The following PTPRD variants were observed in gnomAD, a reference collection of about 807,000 sequenced individuals.
The protein encoded by PTPRD is receptor-type tyrosine-protein phosphatase delta.
PTPRD carries 34 observed loss-of-function variants against 214.5 expected under a neutral mutation model. The observed-to-expected ratio is 0.16, with a 90% CI of 0.12 to 0.21. PTPRD has a LOEUF of 0.21. Ranked by LOEUF, PTPRD falls within the 10% of genes least tolerant of loss-of-function variation. The probability of loss-of-function intolerance (pLI) is 1.00; values close to 1 mark genes in which losing one functional copy is unlikely to be tolerated. For synonymous variants in PTPRD, 1,128 were observed against 845.7 expected, an observed-to-expected ratio of 1.33 and a Z score of -5.79; for missense variants, 2,545 against 2,398.7, an observed-to-expected ratio of 1.06 and a Z score of -1.27.
At chr9:10,612,656 G>A (rs568656293) in intron 1 of PTPRD, 32 bp downstream of exon 1, 1 of 152,380 alleles carries the variant, frequency 6.6e-6, no homozygotes, top group African/African-American at 2.4e-5. Context: ...AAGCCGGCTT[G>A]GGTCCTGCTA....
At chr9:8,914,476 A>G (rs948043732) in intron 11 of PTPRD, among the ~76,000 whole-genome samples, 2 of 152,112 alleles carry the variant, frequency 1.3e-5, no homozygotes, top group African/African-American at 4.8e-5. Flanking sequence ...CTGCACTATG[A>G]TTGTTTATTT....
chr9:10,581,678 C>A (rs768225831), intron 2 of PTPRD, among the ~76,000 whole-genome samples: 1 of 152,126 alleles, frequency 6.6e-6, no homozygotes, highest in South Asian at 2.1e-4. Context: ...TAAGACAACT[C>A]GCTTGCTGTG....
At chr9:8,638,042 T>C (rs1016205277) in intron 12 of PTPRD, among the ~76,000 whole-genome samples, 4 of 151,924 alleles carry the variant, frequency 2.6e-5, no homozygotes, top group Admixed American at 2.6e-4. Context: ...CTTCCTTGAG[T>C]TTTTACAATT....
At chr9:9,091,039 G>A (rs998249765) in intron 10 of PTPRD, 18 of 1,546,928 alleles carry the variant, frequency 1.2e-5, no homozygotes, top group South Asian at 4.4e-5. Context: ...AGTGGAGGCC[G>A]CAGCAGTCAG....
rs537882160 is a variant in PTPRD, at chr9:9,346,407, A to T, written c.-203+51042T>A. ...AAAAATTAACTGAGAGAAATGTGTT[A>T]AAAATGTACAAAGTTATTACCATAA... On this transcript the variant is annotated intron_variant, in intron 9 of 45. Transcript: ENST00000381196. Among the ~76,000 whole-genome samples the T allele has an allele frequency of 4.0e-3, 603 of 152,306 alleles. 4 individuals carry two copies. The highest frequency in any genetic ancestry group is 4.4e-3 in the Non-Finnish European group (302 of 68,030).
At chr9:9,896,153 C>T (rs2074917946) in intron 5 of PTPRD, among the ~76,000 whole-genome samples, 1 of 152,044 alleles carries the variant, frequency 6.6e-6, no homozygotes, top group South Asian at 2.1e-4. Flanking sequence ...TAAACACACA[C>T]AACCATACAC....
intron 14 of PTPRD, among the ~76,000 whole-genome samples, chr9:8,631,540 G>A (rs996773994): frequency 6.6e-6 from 1 of 151,702 alleles, no homozygotes; most frequent in Non-Finnish European, 1.5e-5. Flanking sequence ...GGTGTCTGTT[G>A]CACACTCTAT....
At chr9:9,892,568 T>A (rs961627514) in intron 5 of PTPRD, among the ~76,000 whole-genome samples, 1 of 152,008 alleles carries the variant, frequency 6.6e-6, no homozygotes, top group Non-Finnish European at 1.5e-5. Flanking sequence ...TGGAAAAACA[T>A]TGGAACTAGT....
intron 2 of PTPRD, among the ~76,000 whole-genome samples, chr9:10,572,700 T>C (rs2067853420): frequency 6.6e-6 from 1 of 152,128 alleles, no homozygotes; most frequent in African/African-American, 2.4e-5. Context: ...AGAATATTTA[T>C]TCTATGTACT....
chr9:9,989,508 C>T (rs1196133801), intron 4 of PTPRD, among the ~76,000 whole-genome samples: 1 of 152,114 alleles, frequency 6.6e-6, no homozygotes, highest in African/African-American at 2.4e-5. Context: ...CCTGGGACAG[C>T]CGAACTCCAT....
At chr9:8,805,688 C>T (rs1003197401) in intron 11 of PTPRD, among the ~76,000 whole-genome samples, 1 of 151,388 alleles carries the variant, frequency 6.6e-6, no homozygotes, top group South Asian at 2.1e-4. Flanking sequence ...CAGCAACCTC[C>T]ACCCCCTGGG....
At chr9:10,091,831 T>C (rs141051568) in intron 3 of PTPRD, among the ~76,000 whole-genome samples, 49 of 151,510 alleles carry the variant, frequency 3.2e-4, no homozygotes, top group African/African-American at 1.1e-3. Context: ...AATAGCATCA[T>C]CATTAAGAAA....
At chr9:9,150,478 C>CTA (rs1308373041) in intron 10 of PTPRD, among the ~76,000 whole-genome samples, 3 of 146,090 alleles carry the variant, frequency 2.1e-5, no homozygotes, top group Admixed American at 6.9e-5. Flanking sequence ...ATAATATATA[C>CTA]TATATATATA....
chr9:9,574,802 A>T (rs1012793364), intron 7 of PTPRD, 21 bp from the exon 8 acceptor site: 1 of 152,110 alleles, frequency 6.6e-6, no homozygotes, highest in Non-Finnish European at 1.5e-5. Flanking sequence ...ATAACACAAA[A>T]CATTCTTTAT....
chr9:9,481,943 A>G (rs1288461354), intron 8 of PTPRD, among the ~76,000 whole-genome samples: 5 of 152,314 alleles, frequency 3.3e-5, no homozygotes, highest in African/African-American at 1.2e-4. Context: ...ATAAAATCAA[A>G]TCTGCTTGAA....
intron 11 of PTPRD, chr9:8,860,274 T>C (rs2154545518): frequency 6.6e-6 from 1 of 152,338 alleles, no homozygotes; most frequent in South Asian, 2.1e-4. Context: ...GGGAACATAG[T>C]TGAGGATATA....
At chr9:9,343,024 T>C (rs1470303780) in intron 9 of PTPRD, among the ~76,000 whole-genome samples, 1 of 152,268 alleles carries the variant, frequency 6.6e-6, no homozygotes, top group African/African-American at 2.4e-5. Context: ...AGAATAATAG[T>C]TTCCAGCTTC....
Position 8,893,754 on chromosome 9 carries a change from G to C in PTPRD, c.-104+124943C>G, listed in dbSNP as rs141713390. On this transcript the variant is annotated intron_variant, in intron 11 of 45. Coordinates refer to ENST00000381196, the MANE Select transcript of PTPRD (RefSeq NM_002839.4). ...ATTTGAAAATGTGGTATATTAATTG[G>C]GCCACTCTTCAGAAGTTAAAATGGA... Among the ~76,000 whole-genome samples, 68 of 152,128 alleles carry C rather than the reference G, an allele frequency of 4.5e-4. 1 individual carries two copies. The highest frequency in any genetic ancestry group is 1.5e-3 in the African/African-American group (64 of 41,502).
chr9:8,334,189 T>A (rs939218630), intron 43 of PTPRD, among the ~76,000 whole-genome samples: 1 of 152,122 alleles, frequency 6.6e-6, no homozygotes, highest in Non-Finnish European at 1.5e-5. Context: ...GCAGACCTAA[T>A]AGACATCTAC....
Sources: allele counts gnomAD v4.1 joint callset (sites outside exome capture counted in the v4.1 genomes callset), GRCh38; gene constraint gnomAD v4.1.1; transcripts MANE v1.5; gene names NCBI Gene and HGNC (gene_info 2026-07-23, HGNC 2026-07-21).